The following ADGRB1 variants were observed in gnomAD, a reference collection of about 807,000 sequenced individuals.
ADGRB1 encodes the protein adhesion G protein-coupled receptor B1.
Under a neutral mutation model 175.7 loss-of-function variants are expected in ADGRB1, and 36 were observed. That is an observed-to-expected ratio of 0.20 (90% confidence interval 0.16 to 0.27). The LOEUF (loss-of-function observed/expected upper bound fraction) is 0.27, where lower values mean the gene tolerates loss of function less well. Among genes scored for constraint, ADGRB1 ranks in the 10% least tolerant of loss-of-function variants. The probability of loss-of-function intolerance (pLI) is 1.00; values close to 1 mark genes in which losing one functional copy is unlikely to be tolerated. For missense variants in ADGRB1, 1,731 were observed against 2,255.3 expected, an observed-to-expected ratio of 0.77 and a Z score of 4.71; for synonymous variants, 1,054 against 979.4, an observed-to-expected ratio of 1.08 and a Z score of -1.42.
chr8:142,505,950 C>T (rs1217752578), intron 17 of ADGRB1, among the ~76,000 whole-genome samples: 2 of 152,130 alleles, frequency 1.3e-5, no homozygotes, highest in African/African-American at 4.8e-5. Context: ...TCCGGGTGAG[C>T]GATGGCAGGC....
rs541692345 is a variant in ADGRB1, at chr8:142,544,113, T to G, written c.4558-107T>G. ...TGTCCCCTGTCCCCTGTCCCCCACC[T>G]CCCGTCCCTTCCTCACTGATTCGTG... On this transcript the variant is annotated intron_variant, in intron 30 of 30. Transcript: ENST00000517894. 2.2e-3 allele frequency: 2,677 copies of G among 1,196,562 alleles called. 7 individuals are homozygous for G. The highest frequency in any genetic ancestry group is 2.1e-3 in the Non-Finnish European group (1,772 of 857,976). The allele number at this position is 1,196,562 out of a possible 1,614,324, so 74.1% of individuals were successfully genotyped here.
rs1421040337 is a variant in ADGRB1, at chr8:142,476,659, G to A, written c.1021G>A (p.Glu341Lys). Residue 341 changes from glutamate (E) to lysine (K), a missense_variant, in exon 4 of 31, where the codon GAG becomes AAG. By Grantham distance (56) the Glu-to-Lys change is moderately conservative. This residue lies in a region of ADGRB1 where 178 missense variants were observed against 227.8 expected (regional missense o/e 0.78). Transcript: ENST00000517894. ...DARRREELGDELQQFGFPAPQ... is the reference protein window; with the variant it reads ...DARRREELGDKLQQFGFPAPQ... ...CCGGCGGCGCGAGGAGCTGGGGGAC[G>A]AGCTGCAGCAGTTTGGGTTCCCAGC... 8 of 1,547,796 alleles carry A rather than the reference G, an allele frequency of 5.2e-6. No individual in the cohort carries two copies. The highest frequency in any genetic ancestry group is 2.4e-5 in the East Asian group (1 of 40,846).
intron 1 of ADGRB1, among the ~76,000 whole-genome samples, chr8:142,451,151 G>A (rs1839327899): frequency 6.6e-6 from 1 of 152,066 alleles, no homozygotes; most frequent in Admixed American, 6.5e-5. Context: ...CTCCGGCCTC[G>A]GGAGGGGGCG....
At chr8:142,521,130 A>G (rs1843819919) in intron 20 of ADGRB1, among the ~76,000 whole-genome samples, 1 of 152,142 alleles carries the variant, frequency 6.6e-6, no homozygotes, top group South Asian at 2.1e-4. Context: ...CCGGCCAAGA[A>G]GGGCAGCTTG....
At chr8:142,451,789 G>A (rs1182321937) in intron 1 of ADGRB1, among the ~76,000 whole-genome samples, 2 of 152,146 alleles carry the variant, frequency 1.3e-5, no homozygotes, top group African/African-American at 2.4e-5. Context: ...TGGGGTCTGG[G>A]GAGGCGACTG....
At chr8:142,505,257 G>A (rs1462852109) in intron 17 of ADGRB1, among the ~76,000 whole-genome samples, 2 of 152,212 alleles carry the variant, frequency 1.3e-5, no homozygotes, top group African/African-American at 2.4e-5. Flanking sequence ...ACCCCCTGCC[G>A]GGCTGGACAA....
intron 24 of ADGRB1, among the ~76,000 whole-genome samples, chr8:142,530,861 C>G (rs548974729): frequency 2.0e-5 from 3 of 152,194 alleles, no homozygotes; most frequent in Non-Finnish European, 2.9e-5. Context: ...TGCAGCTGGG[C>G]ACTCCTGGCC....
chr8:142,515,111 A>C (rs967461484), intron 18 of ADGRB1, among the ~76,000 whole-genome samples: 29 of 152,168 alleles, frequency 1.9e-4, no homozygotes, highest in African/African-American at 6.7e-4. Flanking sequence ...CGGCTGGTTC[A>C]GACCTAGTAT....
chr8:142,526,803 C>T (rs1366054733), intron 24 of ADGRB1, among the ~76,000 whole-genome samples, 176 bp downstream of exon 24: 1 of 152,236 alleles, frequency 6.6e-6, no homozygotes, highest in Non-Finnish European at 1.5e-5. Flanking sequence ...CAGCCAGCCC[C>T]TGCCTCTCAC....
intron 18 of ADGRB1, among the ~76,000 whole-genome samples, chr8:142,516,505 G>C (rs1369362083): frequency 2.9e-5 from 4 of 137,980 alleles, no homozygotes; most frequent in Non-Finnish European, 6.2e-5. Context: ...GCGGGCCCCA[G>C]GTGCGTGCGT....
Position 142,510,672 on chromosome 8 carries a change from T to C in ADGRB1, c.2676-260T>C, listed in dbSNP as rs1365182037. Among the ~76,000 whole-genome samples, 1 of 142,146 alleles carries C rather than the reference T, an allele frequency of 7.0e-6. No individual in the cohort carries two copies. The highest frequency in any genetic ancestry group is 2.1e-4 in the East Asian group (1 of 4,762). The allele number at this position is 142,146 out of a possible 152,430, so 93.3% of individuals were successfully genotyped here. Reference sequence around the variant, plus strand: ...CCCGCCCCGCCCCCGATCGCTCGGCTCCCCCGCCCGGCGCTCCCTCGGGCT... The same window carrying C: ...CCCGCCCCGCCCCCGATCGCTCGGCCCCCCCGCCCGGCGCTCCCTCGGGCT... On this transcript the variant is annotated intron_variant, in intron 17 of 30. Coordinates refer to ENST00000517894, the MANE Select transcript of ADGRB1 (RefSeq NM_001702.3). The surrounding 1 kb of genome is among the most constrained non-coding windows in gnomAD (Gnocchi z 6.3).
intron 16 of ADGRB1, among the ~76,000 whole-genome samples, chr8:142,489,783 C>T (rs1841898124): frequency 1.3e-5 from 2 of 152,154 alleles, no homozygotes; most frequent in African/African-American, 4.8e-5. Context: ...CACCAAGAAG[C>T]TGGGGGTGTA....
chr8:142,502,606 G>GAGGCAGAGGT (rs1842676297), intron 17 of ADGRB1, among the ~76,000 whole-genome samples: 16 of 149,544 alleles, frequency 1.1e-4, no homozygotes, highest in African/African-American at 4.0e-4. Context: ...TTTGATGATG[G>GAGGCAGAGGT]GGTGGTGGCT....
chr8:142,518,950 T>A (rs942077296), intron 19 of ADGRB1, among the ~76,000 whole-genome samples: 1 of 152,200 alleles, frequency 6.6e-6, no homozygotes, highest in African/African-American at 2.4e-5. Context: ...TAATCGGAAC[T>A]GACTGCCTGT....
chr8:142,536,963 A>G, intron 25 of ADGRB1, 24 bp from the exon 26 acceptor site: 1 of 1,558,784 alleles, frequency 6.4e-7, no homozygotes, highest in Non-Finnish European at 8.7e-7. Context: ...GCTGCCACTG[A>G]GGTGCTCGGC....
rs527662408 is a variant in ADGRB1 at position 142,528,891 on chromosome 8, C to G, written c.3398+2264C>G. On this transcript the variant is annotated intron_variant, in intron 24 of 30. Transcript: ENST00000517894. ...CAGGGCGTGGGGCCGGGCCTGGGCA[C>G]AGGTGGAGTGCAGCTGTGGGCTGCG... 3.6e-4 allele frequency among the ~76,000 whole-genome samples: 55 copies of G among 152,328 alleles called. 1 individual carries two copies. In the South Asian group the frequency reaches 0.011, roughly 31 times the overall value.
chr8:142,500,210 C>T (rs1265020428), intron 17 of ADGRB1, among the ~76,000 whole-genome samples: 1 of 149,766 alleles, frequency 6.7e-6, no homozygotes, highest in East Asian at 2.0e-4. Context: ...CACCGCTCCT[C>T]CACTTCCCCC....
intron 2 of ADGRB1, 45 bp downstream of exon 2, chr8:142,465,027 A>C: frequency 1.3e-6 from 1 of 780,706 alleles, no homozygotes; most frequent in South Asian, 2.1e-5. Context: ...AGGTGGGCAG[A>C]CAGGGGAGGC....
chr8:142,451,605 C>T (rs1839354456), intron 1 of ADGRB1, among the ~76,000 whole-genome samples: 1 of 152,170 alleles, frequency 6.6e-6, no homozygotes, highest in Admixed American at 6.5e-5. Flanking sequence ...GTCTGCTCTC[C>T]CGCTCCATCC....
Sources: allele counts gnomAD v4.1 joint callset (sites outside exome capture counted in the v4.1 genomes callset), GRCh38; gene constraint gnomAD v4.1.1; regional missense constraint gnomAD v4.1.1; non-coding constraint Gnocchi (gnomAD v3.1); transcripts MANE v1.5; gene names NCBI Gene and HGNC (gene_info 2026-07-23, HGNC 2026-07-21).